Variants in ABCC4 observed in about 807,000 individuals in gnomAD.
The protein encoded by ABCC4 is ATP binding cassette subfamily C member 4 (PEL blood group), also known as ATP-binding cassette sub-family C member 4.
A neutral mutation model predicts 168.5 loss-of-function variants in ABCC4; 102 were observed. That is an observed-to-expected ratio of 0.61 (90% CI 0.52 to 0.71). The LOEUF is 0.71. Among genes scored for constraint, ABCC4 ranks in the 30% least tolerant of loss-of-function variants. The pLI, the probability that ABCC4 is intolerant of heterozygous loss-of-function variation, is 0.00. For missense variants in ABCC4, 1,402 were observed against 1,605.8 expected, an observed-to-expected ratio of 0.87 and a Z score of 2.17; for synonymous variants, 617 against 590.7, an observed-to-expected ratio of 1.04 and a Z score of -0.65.
chr13:95,196,667 A>C (rs1235740150), intron 8 of ABCC4, among the ~76,000 whole-genome samples: 17 of 41,182 alleles, frequency 4.1e-4, no homozygotes, highest in Middle Eastern at 9.3e-3. Flanking sequence ...GAAGGAAGGA[A>C]GGAAGGAAGG....
rs11568693 is a variant in ABCC4, at chr13:95,083,124, G to A, written c.2686+16C>T. The A allele has an allele frequency of 1.4e-3, 2,333 of 1,612,390 alleles. 2 individuals are homozygous for A. Among genetic ancestry groups the A allele is most frequent in the Non-Finnish European group, 1.7e-3 (2,045 of 1,179,134 alleles). ...CTAGCTAGCATGTCTATACCAACCC[G>A]AGTTTCCATACTCACTTGTAGATTC... On this transcript the variant is annotated intron_variant, in intron 21 of 30. Coordinates refer to ENST00000645237, the MANE Select transcript of ABCC4 (RefSeq NM_005845.5).
intron 13 of ABCC4, among the ~76,000 whole-genome samples, chr13:95,173,548 C>T (rs2037553081): frequency 6.6e-6 from 1 of 152,226 alleles, no homozygotes; most frequent in Non-Finnish European, 1.5e-5. Flanking sequence ...ATTCACACCT[C>T]CTTCCAGGCA....
chr13:95,063,108 G>A (rs374675218), intron 25 of ABCC4, among the ~76,000 whole-genome samples: 2 of 152,148 alleles, frequency 1.3e-5, no homozygotes, highest in African/African-American at 2.4e-5. Context: ...GATACCAGGA[G>A]CACACTCCCA....
At chr13:95,149,631 A>C (rs2036609614) in intron 19 of ABCC4, among the ~76,000 whole-genome samples, 1 of 152,242 alleles carries the variant, frequency 6.6e-6, no homozygotes, top group Non-Finnish European at 1.5e-5. Context: ...AATGAAAAAA[A>C]ATAATCCATG....
intron 1 of ABCC4, among the ~76,000 whole-genome samples, chr13:95,255,109 G>A (rs1468035617): frequency 1.3e-5 from 2 of 152,294 alleles, no homozygotes; most frequent in East Asian, 3.9e-4. Flanking sequence ...TTCTGCAAAT[G>A]GGTTTCAGAA....
At chr13:95,185,461 G>A (rs1238142621) in intron 11 of ABCC4, among the ~76,000 whole-genome samples, 1 of 152,136 alleles carries the variant, frequency 6.6e-6, no homozygotes, top group East Asian at 1.9e-4. Context: ...TATCCAAATC[G>A]CCAGCAAATA....
chr13:95,297,114 C>T (rs144139522), intron 1 of ABCC4, among the ~76,000 whole-genome samples: 32 of 151,766 alleles, frequency 2.1e-4, no homozygotes, highest in African/African-American at 6.8e-4. Context: ...CTACTAAAAA[C>T]ATGAAAATTA....
At chr13:95,219,552 G>T (rs749829955) in intron 4 of ABCC4, among the ~76,000 whole-genome samples, 1 of 152,122 alleles carries the variant, frequency 6.6e-6, no homozygotes, top group Non-Finnish European at 1.5e-5. Flanking sequence ...TGCTCTTTTT[G>T]CTGGAGTTAA....
intron 26 of ABCC4, among the ~76,000 whole-genome samples, chr13:95,061,150 A>G (rs968085117): frequency 4.6e-5 from 7 of 152,196 alleles, no homozygotes; most frequent in African/African-American, 1.7e-4. Context: ...TCATCTGGCG[A>G]TGGACACGAG....
At chr13:95,291,679 T>A (rs924961174) in intron 1 of ABCC4, among the ~76,000 whole-genome samples, 2 of 152,178 alleles carry the variant, frequency 1.3e-5, no homozygotes, top group African/African-American at 4.8e-5. Flanking sequence ...GTGAGGTCAA[T>A]TGGCCATGTG....
intron 20 of ABCC4, among the ~76,000 whole-genome samples, chr13:95,105,479 C>A (rs2034971307): frequency 6.6e-6 from 1 of 152,160 alleles, no homozygotes; most frequent in South Asian, 2.1e-4. Flanking sequence ...TTAACATTTA[C>A]CCCTGGAGGT....
intron 26 of ABCC4, among the ~76,000 whole-genome samples, chr13:95,057,261 GAC>G (rs1566377914): frequency 2.0e-5 from 3 of 150,694 alleles, no homozygotes; most frequent in Non-Finnish European, 4.4e-5. Flanking sequence ...TTTTTTTTGA[GAC>G]AGAGTCTCCC....
intron 19 of ABCC4, among the ~76,000 whole-genome samples, chr13:95,137,989 G>A (rs957405728): frequency 4.6e-5 from 7 of 152,078 alleles, no homozygotes; most frequent in South Asian, 2.1e-4. Flanking sequence ...GAAAGTGGGC[G>A]GTGGGGCGGG....
intron 11 of ABCC4, among the ~76,000 whole-genome samples, chr13:95,178,871 G>C (rs1167992378): frequency 6.6e-6 from 1 of 152,162 alleles, no homozygotes; most frequent in African/African-American, 2.4e-5. Context: ...GTCATGTGCT[G>C]AACAAATTTT....
chr13:95,207,743 A>C (rs757195825), intron 7 of ABCC4, 57 bp downstream of exon 7: 108 of 1,557,882 alleles, frequency 6.9e-5, no homozygotes, highest in Non-Finnish European at 9.1e-5. Flanking sequence ...AAAACCATCA[A>C]CAAGAATAGC....
chr13:95,234,982 C>A, intron 3 of ABCC4, 148 bp from the exon 4 acceptor site: 1 of 638,346 alleles, frequency 1.6e-6, no homozygotes. Flanking sequence ...CCTCGAACTC[C>A]CTAACTCAAG....
chr13:95,230,737 T>C (rs995100728), intron 4 of ABCC4, among the ~76,000 whole-genome samples: 4 of 152,180 alleles, frequency 2.6e-5, no homozygotes, highest in Admixed American at 2.6e-4. Context: ...ATCATGCCAC[T>C]GCACTCCTGA....
Position 95,079,414 on chromosome 13 carries a change from G to A in ABCC4, c.2686+3726C>T, listed in dbSNP as rs114472060. ...GTGTAGGACCTCTCAGGGTTATTACGGTTTTAATTCTCAAGGCTATAGTGC... is the reference window on the plus strand; with the variant it reads ...GTGTAGGACCTCTCAGGGTTATTACAGTTTTAATTCTCAAGGCTATAGTGC... On this transcript the variant is annotated intron_variant, in intron 21 of 30. Coordinates refer to ENST00000645237, the MANE Select transcript of ABCC4 (RefSeq NM_005845.5). Among the ~76,000 whole-genome samples the A allele has an allele frequency of 6.3e-3, 958 of 152,266 alleles. 9 individuals carry two copies. The highest frequency in any genetic ancestry group is 0.021 in the African/African-American group (873 of 41,548).
intron 19 of ABCC4, among the ~76,000 whole-genome samples, chr13:95,123,170 GT>G (rs2035634819): frequency 6.6e-6 from 1 of 152,144 alleles, no homozygotes; most frequent in Non-Finnish European, 1.5e-5. Flanking sequence ...CTCATCATCT[GT>G]TTTCCACATC....
Sources: gnomAD v4.1 joint callset for allele counts (sites outside exome capture counted in the v4.1 genomes callset) on GRCh38, gnomAD v4.1.1 for gene constraint, MANE v1.5 for transcripts, NCBI Gene and HGNC (gene_info 2026-07-23, HGNC 2026-07-21) for gene names.